TNIK: variants seen among roughly 807,000 people sequenced by gnomAD.
TNIK encodes the protein TRAF2 and NCK interacting kinase.
A neutral mutation model predicts 191.3 loss-of-function variants in TNIK; 49 were observed. The ratio of observed to expected loss-of-function variants is 0.26; its 90% CI spans 0.20 to 0.32. The LOEUF (loss-of-function observed/expected upper bound fraction) is 0.32. Among genes scored for constraint, TNIK ranks in the 10% least tolerant of loss-of-function variants. TNIK has a pLI of 1.00. For synonymous variants in TNIK, 594 were observed against 600.9 expected, an observed-to-expected ratio of 0.99 and a Z score of 0.17; for missense variants, 1,155 against 1,702.3, an observed-to-expected ratio of 0.68 and a Z score of 5.66.
intron 9 of TNIK, among the ~76,000 whole-genome samples, chr3:171,170,006 T>G (rs11924929): frequency 0.011 from 1,732 of 152,348 alleles, 31 homozygotes; most frequent in African/African-American, 0.04. Context: ...ATCAATATGC[T>G]TAATTACACA....
At chr3:171,210,672 G>A (rs1740694402) in intron 4 of TNIK, among the ~76,000 whole-genome samples, 1 of 152,138 alleles carries the variant, frequency 6.6e-6, no homozygotes, top group Admixed American at 6.6e-5. Context: ...ATCCATCCCT[G>A]CTAGCTATGT....
At chr3:171,370,113 G>C (rs185291157) in intron 1 of TNIK, among the ~76,000 whole-genome samples, 4 of 152,262 alleles carry the variant, frequency 2.6e-5, no homozygotes, top group Admixed American at 1.3e-4. Context: ...AGTGAGCCCT[G>C]GTAGCTAAGA....
intron 1 of TNIK, among the ~76,000 whole-genome samples, chr3:171,450,611 A>G (rs8180079): frequency 0.22 from 33,894 of 152,144 alleles, 5,140 homozygotes; most frequent in African/African-American, 0.43. Context: ...AGATATATAG[A>G]CAAAGATATG....
intron 2 of TNIK, among the ~76,000 whole-genome samples, chr3:171,307,404 A>G (rs905783094): frequency 6.6e-6 from 1 of 151,996 alleles, no homozygotes; most frequent in African/African-American, 2.4e-5. Context: ...ATGTTCACTT[A>G]CTCTAAGGGG....
intron 1 of TNIK, among the ~76,000 whole-genome samples, chr3:171,445,852 C>T (rs1727428837): frequency 6.6e-6 from 1 of 152,192 alleles, no homozygotes; most frequent in Non-Finnish European, 1.5e-5. Context: ...TGCACTATGC[C>T]ACTTCATTTC....
chr3:171,333,596 A>C (rs1234172938), intron 2 of TNIK, among the ~76,000 whole-genome samples: 2 of 151,876 alleles, frequency 1.3e-5, no homozygotes, highest in East Asian at 1.9e-4. Context: ...AAAAAAAAAA[A>C]AAAAAAAACC....
intron 2 of TNIK, among the ~76,000 whole-genome samples, chr3:171,237,664 A>G (rs1744446210): frequency 6.6e-6 from 1 of 152,156 alleles, no homozygotes; most frequent in East Asian, 1.9e-4. Context: ...GCTCATGCCT[A>G]TAATTCTAGT....
chr3:171,104,111 T>C (rs1325297926), intron 21 of TNIK, among the ~76,000 whole-genome samples: 1 of 151,978 alleles, frequency 6.6e-6, no homozygotes, highest in African/African-American at 2.4e-5. Context: ...AGGCGAGACA[T>C]ATACCAGAAT....
intron 17 of TNIK, 151 bp downstream of exon 17, chr3:171,125,761 G>A (rs2108569785): frequency 8.4e-7 from 1 of 1,195,672 alleles, no homozygotes; most frequent in South Asian, 1.5e-5. Flanking sequence ...CCAAGTCTTA[G>A]CCAGGGAATG....
At chr3:171,294,186 G>A (rs765457051) in intron 2 of TNIK, among the ~76,000 whole-genome samples, 45 of 152,144 alleles carry the variant, frequency 3.0e-4, no homozygotes, top group Non-Finnish European at 5.3e-4. Flanking sequence ...CCGAGATGGC[G>A]CCACTGCACT....
chr3:171,379,310 A>AATAAGT (rs1286916267), intron 1 of TNIK, among the ~76,000 whole-genome samples: 1 of 152,240 alleles, frequency 6.6e-6, no homozygotes, highest in Non-Finnish European at 1.5e-5. Flanking sequence ...ACATTGCATA[A>AATAAGT]ATAAGTATAT....
chr3:171,358,080 A>G (rs896697344), intron 2 of TNIK, among the ~76,000 whole-genome samples: 7 of 152,108 alleles, frequency 4.6e-5, no homozygotes, highest in Non-Finnish European at 7.4e-5. Context: ...ACATCCTGCT[A>G]TTGTGTCAAA....
In TNIK at chr3:171,157,463, C is replaced by A; in HGVS notation, c.1218G>T (p.Glu406Asp). ...GGTGGCCCGAGCAGGTCCTCACCTC[C>A]TCCAGCCGCCGCCTCTGCTCTTTCT... ...EEQKEQRRRLEEQQRREKELR... is the reference protein window; with the variant it reads ...EEQKEQRRRLDEQQRREKELR... The change falls in exon 12 of 33, where the codon GAG (glutamate) becomes GAT (aspartate). Residue 406 changes from glutamate (E) to aspartate (D), a missense_variant. By Grantham distance (45) the Glu-to-Asp change is conservative. Around this residue, in one of 3 missense-constraint regions of TNIK, gnomAD observed 735 missense variants for 848.0 expected, o/e 0.87. Coordinates refer to ENST00000436636, the MANE Select transcript of TNIK (RefSeq NM_015028.4). 6.4e-7 allele frequency: 1 copy of A among 1,560,740 alleles called. No homozygotes were observed. The highest frequency in any genetic ancestry group is 8.7e-7 in the Non-Finnish European group (1 of 1,152,948).
At chr3:171,443,977 T>C (rs58191693) in intron 1 of TNIK, among the ~76,000 whole-genome samples, 16,482 of 152,228 alleles carry the variant, frequency 0.11, 1,003 homozygotes, top group East Asian at 0.22. Flanking sequence ...TCTAGTCTGA[T>C]GATGATTGTC....
intron 1 of TNIK, among the ~76,000 whole-genome samples, chr3:171,457,978 G>C (rs896913882): frequency 6.6e-6 from 1 of 152,174 alleles, no homozygotes; most frequent in Non-Finnish European, 1.5e-5. Context: ...CTCCGTGCTT[G>C]GTATCTCAGA....
intron 1 of TNIK, among the ~76,000 whole-genome samples, chr3:171,405,266 T>C (rs1301067616): frequency 1.3e-5 from 2 of 152,226 alleles, no homozygotes; most frequent in Admixed American, 1.3e-4. Context: ...GCAGGTGGAT[T>C]GTTTAGATAA....
Position 171,084,334 on chromosome 3 carries a change from A to G in TNIK, c.2999-9T>C, listed in dbSNP as rs941809791. The G allele has an allele frequency of 6.8e-6, 11 of 1,606,818 alleles. No homozygotes were observed. The highest frequency in any genetic ancestry group is 9.4e-6 in the Non-Finnish European group (11 of 1,174,814). ...TTCGCTAGTAAACAGAGCTTTGAGA[A>G]AAAGAATCAGAGAAGTCAGTGACAT... On this transcript the variant is annotated splice_polypyrimidine_tract_variant and intron_variant, in intron 25 of 32. Transcript: ENST00000436636.
chr3:171,388,235 C>A (rs1718996721), intron 1 of TNIK, among the ~76,000 whole-genome samples: 1 of 152,192 alleles, frequency 6.6e-6, no homozygotes, highest in East Asian at 1.9e-4. Flanking sequence ...TCAATTTCCT[C>A]TGGGCAGAGA....
intron 32 of TNIK, among the ~76,000 whole-genome samples, chr3:171,065,117 C>A (rs563152133): frequency 1.3e-5 from 2 of 152,330 alleles, no homozygotes; most frequent in East Asian, 3.9e-4. Flanking sequence ...CTTGGAACAG[C>A]CCTGCTGGGG....
Sources: gnomAD v4.1 joint callset for allele counts (sites outside exome capture counted in the v4.1 genomes callset) on GRCh38, gnomAD v4.1.1 for gene constraint, gnomAD v4.1.1 regional missense constraint, MANE v1.5 for transcripts, NCBI Gene and HGNC (gene_info 2026-07-23, HGNC 2026-07-21) for gene names.